Variants in RABEP1 observed in about 807,000 individuals in gnomAD.
RABEP1 encodes rab GTPase-binding effector protein 1.
In RABEP1, 51 loss-of-function variants were observed where a neutral mutation model predicts 123.4. That is an observed-to-expected ratio of 0.41 (90% CI 0.33 to 0.52). The LOEUF is 0.52. Ranked by LOEUF, RABEP1 falls within the 20% of genes least tolerant of loss-of-function variation. The pLI is 0.16. For missense variants in RABEP1, 888 were observed against 996.3 expected, an observed-to-expected ratio of 0.89 and a Z score of 1.46; for synonymous variants, 347 against 355.2, an observed-to-expected ratio of 0.98 and a Z score of 0.26.
intron 15 of RABEP1, 31 bp from the exon 16 acceptor site, chr17:5,380,333 C>T (rs1911348402): frequency 6.8e-7 from 1 of 1,462,774 alleles, no homozygotes; most frequent in Non-Finnish European, 9.3e-7. Context: ...GAGGGAGTTT[C>T]TGTGAGTTTC....
intron 12 of RABEP1, among the ~76,000 whole-genome samples, chr17:5,369,792 C>T (rs1036595125): frequency 6.6e-6 from 1 of 152,040 alleles, no homozygotes; most frequent in African/African-American, 2.4e-5. Context: ...CCTCCTCCTC[C>T]TGGGTTCAAG....
At chr17:5,298,147 T>A (rs565693254) in intron 1 of RABEP1, among the ~76,000 whole-genome samples, 1 of 152,308 alleles carries the variant, frequency 6.6e-6, no homozygotes, top group African/African-American at 2.4e-5. Context: ...GTAAATAAAA[T>A]ATAACCCTGT....
chr17:5,316,661 C>T (rs879632457), intron 2 of RABEP1, among the ~76,000 whole-genome samples: 6 of 150,378 alleles, frequency 4.0e-5, no homozygotes, highest in African/African-American at 1.2e-4. Context: ...GGTGAAACCC[C>T]GTATCTACTA....
intron 1 of RABEP1, among the ~76,000 whole-genome samples, chr17:5,291,464 A>C (rs770167147): frequency 2.6e-5 from 4 of 152,232 alleles, no homozygotes; most frequent in Non-Finnish European, 5.9e-5. Context: ...TTTTTATTCT[A>C]CATTTTAAAT....
chr17:5,308,854 G>A (rs2144522011), intron 2 of RABEP1, 32 bp downstream of exon 2: 1 of 1,551,602 alleles, frequency 6.4e-7, no homozygotes, highest in Non-Finnish European at 8.8e-7. Flanking sequence ...CAACTTCAAT[G>A]CGAAAACTGC....
At chr17:5,358,142 G>A (rs977490823) in intron 8 of RABEP1, among the ~76,000 whole-genome samples, 1 of 152,032 alleles carries the variant, frequency 6.6e-6, no homozygotes, top group Admixed American at 6.6e-5. Context: ...GCTAGTCCTG[G>A]GAAGCAGTTT....
chr17:5,344,720 C>T (rs1033826264), intron 5 of RABEP1, among the ~76,000 whole-genome samples: 6 of 129,220 alleles, frequency 4.6e-5, no homozygotes, highest in Non-Finnish European at 7.7e-5. Context: ...TGCAGTGTGC[C>T]GAGATCGTGC....
At chr17:5,296,822 C>T (rs139568873) in intron 1 of RABEP1, among the ~76,000 whole-genome samples, 10 of 152,286 alleles carry the variant, frequency 6.6e-5, no homozygotes, top group South Asian at 2.1e-4. Flanking sequence ...TCATGGCTCA[C>T]GGTAGCCTTG....
intron 11 of RABEP1, among the ~76,000 whole-genome samples, chr17:5,367,364 C>T (rs141867108): frequency 0.024 from 3,652 of 151,734 alleles, 137 homozygotes; most frequent in African/African-American, 0.084. Flanking sequence ...GTCTGCCTCC[C>T]AGGTTCAAGC....
intron 1 of RABEP1, among the ~76,000 whole-genome samples, chr17:5,294,021 G>A (rs1235577438): frequency 1.3e-5 from 2 of 152,096 alleles, no homozygotes; most frequent in East Asian, 1.9e-4. Flanking sequence ...AGACAACTAA[G>A]AAAATGCAAA....
At chr17:5,342,721 A>G (rs1396191484) in intron 5 of RABEP1, among the ~76,000 whole-genome samples, 2 of 152,250 alleles carry the variant, frequency 1.3e-5, no homozygotes, top group Non-Finnish European at 2.9e-5. Flanking sequence ...TAGACTTCAT[A>G]TAGAGAAGTG....
At chr17:5,342,230 AAAAAAG>A (rs1443810248) in intron 5 of RABEP1, among the ~76,000 whole-genome samples, 18 of 152,214 alleles carry the variant, frequency 1.2e-4, no homozygotes, top group African/African-American at 2.4e-5. Flanking sequence ...AAAAAAAGAA[AAAAAAG>A]AAAAAGAAAA....
At chr17:5,307,561 G>A (rs2075191154) in intron 1 of RABEP1, among the ~76,000 whole-genome samples, 1 of 152,128 alleles carries the variant, frequency 6.6e-6, no homozygotes, top group Admixed American at 6.6e-5. Flanking sequence ...AGTAGTTAGT[G>A]GTTGATTAGT....
At position 5,383,518 on chromosome 17, in the gene RABEP1, C is replaced by T; in HGVS notation, c.*295C>T. 1 of 367,976 alleles carries T rather than the reference C, an allele frequency of 2.7e-6. No homozygotes were observed. Among genetic ancestry groups the T allele is most frequent in the East Asian group, 4.3e-5 (1 of 23,066 alleles). The allele number at this position is 367,976 out of a possible 1,614,324, so 22.8% of individuals were successfully genotyped here. On this transcript the variant is annotated 3_prime_UTR_variant, in exon 18 of 18. Coordinates refer to ENST00000537505, the MANE Select transcript of RABEP1 (RefSeq NM_004703.6). ...GCGCTGTTTCCTTGCCTGCTTTCTC[C>T]AAGACAGATTTTCGGAACACATTTC...
intron 16 of RABEP1, among the ~76,000 whole-genome samples, chr17:5,381,001 G>A (rs535363498): frequency 4.6e-5 from 7 of 152,300 alleles, no homozygotes; most frequent in Non-Finnish European, 7.3e-5. Context: ...TAGCTGGGGC[G>A]TATTCACTAA....
At chr17:5,331,318 CTGT>C (rs1259450001) in intron 2 of RABEP1, among the ~76,000 whole-genome samples, 2 of 152,090 alleles carry the variant, frequency 1.3e-5, no homozygotes, top group Non-Finnish European at 2.9e-5. Context: ...AAAATAGTGA[CTGT>C]TGTTAAGGGT....
chr17:5,365,003 G>A, intron 10 of RABEP1, 119 bp from the exon 11 acceptor site: 3 of 637,522 alleles, frequency 4.7e-6, no homozygotes, highest in Non-Finnish European at 5.4e-6. Context: ...TAGAAAATCT[G>A]TGGTGTTTCC....
At position 5,329,818 on chromosome 17, in the gene RABEP1, CATAT is replaced by C. The variant is rs61446536; in HGVS notation, c.164-2107_164-2104del. ...TAAATATAACATTCATATATATGTT[CATAT>C]ATATATATATATATATATATATAAC... On this transcript the variant is annotated intron_variant, in intron 2 of 17. Coordinates refer to ENST00000537505, the MANE Select transcript of RABEP1 (RefSeq NM_004703.6). 8.7e-3 allele frequency among the ~76,000 whole-genome samples: 1,250 copies of C among 143,052 alleles called. 9 individuals carry two copies. The highest frequency in any genetic ancestry group is 0.02 in the African/African-American group (802 of 39,310). The allele number at this position is 143,052 out of a possible 152,430, so 93.8% of individuals were successfully genotyped here. A position where few individuals can be genotyped will look rare whatever the true frequency, so the allele number is the denominator to read the frequency against.
chr17:5,335,168 TG>T lies in RABEP1; in HGVS notation c.368-14del. 6.3e-7 allele frequency: 1 copy of T among 1,589,688 alleles called. No individual in the cohort carries two copies. The highest frequency in any genetic ancestry group is 8.6e-7 in the Non-Finnish European group (1 of 1,166,964). On this transcript the variant is annotated splice_polypyrimidine_tract_variant and intron_variant, in intron 3 of 17. Coordinates refer to ENST00000537505, the MANE Select transcript of RABEP1 (RefSeq NM_004703.6). ...TCATAATGCTTAGATGTGAAATATGTGGTGATGTTTTGTAGAAACAGTTCGT... is the reference window on the plus strand; with the variant it reads ...TCATAATGCTTAGATGTGAAATATGTGTGATGTTTTGTAGAAACAGTTCGT...
Sources: allele counts gnomAD v4.1 joint callset (sites outside exome capture counted in the v4.1 genomes callset), GRCh38; gene constraint gnomAD v4.1.1; transcripts MANE v1.5; gene names NCBI Gene and HGNC (gene_info 2026-07-23, HGNC 2026-07-21).